Variants in ATP5F1A observed in about 807,000 individuals in gnomAD.
ATP5F1A encodes the protein ATP synthase F(1) complex subunit alpha, mitochondrial.
A neutral mutation model predicts 57.4 loss-of-function variants in ATP5F1A; 24 were observed. The observed-to-expected ratio is 0.42, with a 90% confidence interval of 0.30 to 0.59. The LOEUF (loss-of-function observed/expected upper bound fraction) is 0.59. Ranked by LOEUF, ATP5F1A falls within the 20% of genes least tolerant of loss-of-function variation. The probability of loss-of-function intolerance (pLI) is 0.19; values close to 1 mark genes in which losing one functional copy is unlikely to be tolerated. For missense variants in ATP5F1A, 494 were observed against 707.9 expected, an observed-to-expected ratio of 0.70 and a Z score of 3.43; for synonymous variants, 251 against 255.5, an observed-to-expected ratio of 0.98 and a Z score of 0.17.
chr18:46,084,071 G>C lies in ATP5F1A; in HGVS notation c.*211C>G. The C allele has an allele frequency of 2.2e-6, 1 of 448,478 alleles. No homozygotes were observed. The highest frequency in any genetic ancestry group is 3.9e-6 in the Non-Finnish European group (1 of 255,878). The allele number at this position is 448,478 out of a possible 1,614,324, so 27.8% of individuals were successfully genotyped here. On this transcript the variant is annotated 3_prime_UTR_variant, in exon 12 of 12. Transcript: ENST00000398752. ...ACTGTACCAATATTCAAGTAAAATA[G>C]ATCAAGAAGCATTTGCTTACCAATT...
intron 1 of ATP5F1A, among the ~76,000 whole-genome samples, chr18:46,103,964 G>C (rs985546081): frequency 4.6e-5 from 7 of 152,152 alleles, no homozygotes. Flanking sequence ...AACGGATCAA[G>C]TTAAGATTGC....
intron 2 of ATP5F1A, among the ~76,000 whole-genome samples, chr18:46,094,168 C>T (rs1412071507): frequency 7.1e-6 from 1 of 141,356 alleles, no homozygotes; most frequent in African/African-American, 2.9e-5. Flanking sequence ...TACACATACA[C>T]ACACACACAC....
chr18:46,089,101 G>C (rs1403998134), intron 5 of ATP5F1A, among the ~76,000 whole-genome samples: 1 of 151,686 alleles, frequency 6.6e-6, no homozygotes, highest in African/African-American at 2.4e-5. Context: ...CCCACACCGA[G>C]ATAGTAGAGA....
rs1157792881 is a variant in ATP5F1A, at chr18:46,089,631, A to C, written c.585T>G (p.Ala195=). The part of the protein sequence containing the change: ...VREPMQTGIK[A]VDSLVPIGRG... ...GACCAATTGGCACCAAGCTATCCAC[A>C]GCCTTAATGCCAGTCTGCATTGGTT... is the stretch of plus-strand genomic sequence containing the variant. Residue 195 remains alanine (A), a synonymous_variant, in exon 5 of 12, where the codon GCT becomes GCG. Transcript: ENST00000398752. The C allele has an allele frequency of 6.2e-7, 1 of 1,614,082 alleles. No individual in the cohort carries two copies. Among genetic ancestry groups the C allele is most frequent in the African/African-American group, 1.3e-5 (1 of 74,936 alleles).
chr18:46,085,398 G>A (rs996749921), intron 10 of ATP5F1A: 5 of 151,998 alleles, frequency 3.3e-5, no homozygotes, highest in African/African-American at 1.2e-4. Flanking sequence ...ACTTTGAGAG[G>A]TGGGAAGATG....
At chr18:46,095,157 T>C (rs754587827) in intron 1 of ATP5F1A, 26 bp from the exon 2 acceptor site, 9 of 1,606,278 alleles carry the variant, frequency 5.6e-6, no homozygotes, top group Non-Finnish European at 2.5e-6. Flanking sequence ...TCTTAAAAAT[T>C]TGATTTTTAA....
intron 10 of ATP5F1A, chr18:46,085,891 C>A (rs1910050990): frequency 1.9e-6 from 1 of 536,722 alleles, no homozygotes; most frequent in Non-Finnish European, 3.2e-6. Flanking sequence ...CAAGGTTGCG[C>A]CATTGCACTT....
At chr18:46,090,286 C>CT (rs1328651465) in intron 3 of ATP5F1A, among the ~76,000 whole-genome samples, 2 of 152,074 alleles carry the variant, frequency 1.3e-5, no homozygotes, top group African/African-American at 2.4e-5. Context: ...GGTTAATAAG[C>CT]TTTTTTCCAC....
intron 2 of ATP5F1A, 196 bp downstream of exon 2, chr18:46,094,857 T>C (rs1910824832): frequency 2.5e-6 from 2 of 809,736 alleles, no homozygotes; most frequent in African/African-American, 1.8e-5. Flanking sequence ...GAAAAATATG[T>C]AACAGTAGTT....
At position 46,081,639 on chromosome 18, in the gene ATP5F1A, G is replaced by A. The variant is rs1212909037; in HGVS notation, c.*2643C>T. 6.7e-5 allele frequency: 9 copies of A among 135,034 alleles called. No homozygotes were observed. The highest frequency in any genetic ancestry group is 2.0e-4 in the African/African-American group (7 of 35,282). The allele number at this position is 135,034 out of a possible 1,614,324, so 8.4% of individuals were successfully genotyped here. On this transcript the variant is annotated 3_prime_UTR_variant, in exon 12 of 12. Coordinates refer to ENST00000398752, the MANE Select transcript of ATP5F1A (RefSeq NM_004046.6). ...AGATCGTGCCATTGCACTCCAGCCT[G>A]GGCAACAAGAGCAAAACTCTCAAAA...
intron 10 of ATP5F1A, chr18:46,085,678 T>C (rs1354829468): frequency 5.9e-6 from 1 of 169,668 alleles, no homozygotes; most frequent in Non-Finnish European, 1.3e-5. Context: ...ACACCTGTAA[T>C]CCCAGCACTT....
upstream of ATP5F1A, among the ~76,000 whole-genome samples, chr18:46,099,721 G>A (rs1447618560): frequency 2.0e-5 from 3 of 152,068 alleles, no homozygotes; most frequent in Non-Finnish European, 2.9e-5. Context: ...CAGCCTCTGC[G>A]CTGGGCCCGC....
At chr18:46,093,594 T>C (rs1473565089) in intron 2 of ATP5F1A, among the ~76,000 whole-genome samples, 2 of 150,242 alleles carry the variant, frequency 1.3e-5, no homozygotes, top group African/African-American at 2.5e-5. Context: ...GAGGCCAAGG[T>C]AGACGGATCC....
At chr18:46,093,915 T>C (rs1250403487) in intron 2 of ATP5F1A, among the ~76,000 whole-genome samples, 6 of 151,942 alleles carry the variant, frequency 3.9e-5, no homozygotes, top group East Asian at 3.9e-4. Flanking sequence ...GAGACCAGCC[T>C]GGCTAACATG....
chr18:46,087,541 G>A (rs546766544), intron 6 of ATP5F1A, 49 bp from the exon 7 acceptor site: 2 of 1,588,454 alleles, frequency 1.3e-6, no homozygotes, highest in Admixed American at 3.6e-5. Context: ...TTTTAAATTG[G>A]AGGCTACTAT....
upstream of ATP5F1A, among the ~76,000 whole-genome samples, chr18:46,102,376 T>G (rs193007928): frequency 1.6e-4 from 25 of 151,986 alleles, no homozygotes; most frequent in East Asian, 4.5e-3. Context: ...CAGGCTGGAG[T>G]GCAGTGTCTC....
At chr18:46,092,866 G>C (rs1910666158) in intron 2 of ATP5F1A, among the ~76,000 whole-genome samples, 1 of 152,070 alleles carries the variant, frequency 6.6e-6, no homozygotes. Context: ...ACCAACTGTT[G>C]GCCAGGCACG....
At chr18:46,100,267 AAAAAAG>A (rs1911235482), upstream of ATP5F1A, among the ~76,000 whole-genome samples, 1 of 150,876 alleles carries the variant, frequency 6.6e-6, no homozygotes, top group African/African-American at 2.4e-5. Context: ...AAAAAAAAAA[AAAAAAG>A]AAAGAAAAAA....
At chr18:46,088,852 C>T (rs1245275118) in intron 5 of ATP5F1A, among the ~76,000 whole-genome samples, 7 of 151,834 alleles carry the variant, frequency 4.6e-5, no homozygotes, top group Admixed American at 6.6e-5. Context: ...AAAACCCAAT[C>T]GTACATTCTA....
Sources: allele counts gnomAD v4.1 joint callset (sites outside exome capture counted in the v4.1 genomes callset), GRCh38; gene constraint gnomAD v4.1.1; transcripts MANE v1.5; gene names NCBI Gene and HGNC (gene_info 2026-07-23, HGNC 2026-07-21).